Variants in UCK2 observed in about 807,000 individuals in gnomAD.
The protein encoded by UCK2 is cytidine monophosphokinase 2.
Under a neutral mutation model 30.8 loss-of-function variants are expected in UCK2, and 6 were observed. That is an observed-to-expected ratio of 0.19 (90% confidence interval 0.11 to 0.38). The LOEUF (loss-of-function observed/expected upper bound fraction) is 0.38, where lower values mean the gene tolerates loss of function less well. Among genes scored for constraint, UCK2 ranks in the 10% least tolerant of loss-of-function variants. UCK2 has a pLI of 1.00. For synonymous variants in UCK2, 125 were observed against 133.6 expected, an observed-to-expected ratio of 0.94 and a Z score of 0.45; for missense variants, 210 against 339.8, an observed-to-expected ratio of 0.62 and a Z score of 3.00.
At chr1:165,831,726 C>T (rs1019147450) in intron 1 of UCK2, among the ~76,000 whole-genome samples, 1 of 152,234 alleles carries the variant, frequency 6.6e-6, no homozygotes, top group Non-Finnish European at 1.5e-5. Flanking sequence ...GTACAAATCC[C>T]CTTGGCCCCT....
At chr1:165,905,448 C>T (rs1186345319) in intron 5 of UCK2, among the ~76,000 whole-genome samples, 1 of 151,910 alleles carries the variant, frequency 6.6e-6, no homozygotes, top group Non-Finnish European at 1.5e-5. Context: ...GATGCCGCTG[C>T]ACTCCAGCCT....
rs150856771 is a variant in UCK2 at position 165,878,243 on chromosome 1, G to A, written c.100-11961G>A. Among the ~76,000 whole-genome samples, 437 of 151,964 alleles carry A rather than the reference G, an allele frequency of 2.9e-3. 2 individuals are homozygous for A. Among genetic ancestry groups the A allele is most frequent in the Middle Eastern group, 6.9e-3 (2 of 290 alleles). On this transcript the variant is annotated intron_variant, in intron 1 of 6. Transcript: ENST00000367879. ...TACTGTAGTTGAAATCATACATTAT[G>A]TGACCTTTTCAGATTAGCTTCTTTC... is the stretch of plus-strand genomic sequence containing the variant.
In UCK2 at chr1:165,907,947, A is replaced by T. The variant is rs756204889; in HGVS notation, c.*124A>T. The T allele has an allele frequency of 7.4e-7, 1 of 1,350,878 alleles. No individual in the cohort carries two copies. The highest frequency in any genetic ancestry group is 9.8e-7 in the Non-Finnish European group (1 of 1,016,614). 83.7% of individuals were successfully genotyped at this position (1,350,878 alleles called of 1,614,324 possible). On this transcript the variant is annotated 3_prime_UTR_variant, in exon 7 of 7. Transcript: ENST00000367879. ...ATTTAAGAAAACACCATGGAGATGA[A>T]ATGCCTTTGATTTTTTTTTTCTTTT...
chr1:165,895,701 C>A, intron 3 of UCK2: 1 of 959,718 alleles, frequency 1.0e-6, no homozygotes, highest in Non-Finnish European at 1.2e-6. Flanking sequence ...CCCCTTCTGT[C>A]CTTTCCTCCC....
intron 4 of UCK2, among the ~76,000 whole-genome samples, chr1:165,901,490 G>A (rs1647460243): frequency 6.6e-6 from 1 of 152,120 alleles, no homozygotes; most frequent in Admixed American, 6.5e-5. Flanking sequence ...TAGACAAATG[G>A]CTTTCAGAAG....
intron 1 of UCK2, among the ~76,000 whole-genome samples, chr1:165,853,963 C>A (rs974508650): frequency 1.3e-5 from 2 of 152,182 alleles, no homozygotes; most frequent in Admixed American, 1.3e-4. Context: ...AAATTTCTTT[C>A]TTAACAGTTA....
At chr1:165,854,598 AAAAT>A (rs10571444) in intron 1 of UCK2, among the ~76,000 whole-genome samples, 67,773 of 143,424 alleles carry the variant, frequency 0.47, 16,006 homozygotes, top group Middle Eastern at 0.51. Flanking sequence ...TCCTTTTTTA[AAAAT>A]AAATAAATAA....
In UCK2 at chr1:165,911,217, C is replaced by T. The variant is rs1647847102; in HGVS notation, c.*3394C>T. 6.6e-6 allele frequency: 1 copy of T among 152,286 alleles called. No homozygotes were observed. Among genetic ancestry groups the T allele is most frequent in the Non-Finnish European group, 1.5e-5 (1 of 68,110 alleles). The allele number at this position is 152,286 out of a possible 1,614,324, so 9.4% of individuals were successfully genotyped here. On this transcript the variant is annotated 3_prime_UTR_variant, in exon 7 of 7. Transcript: ENST00000367879. Reference sequence around the variant, plus strand: ...CAGGACTGCTTCTGGAAGGGACTGCCTGTACTTCTGTACCACCGTTGCCCT... The same window carrying T: ...CAGGACTGCTTCTGGAAGGGACTGCTTGTACTTCTGTACCACCGTTGCCCT...
chr1:165,888,713 C>T (rs1461270974), intron 1 of UCK2, among the ~76,000 whole-genome samples: 1 of 135,780 alleles, frequency 7.4e-6, no homozygotes, highest in African/African-American at 2.7e-5. Flanking sequence ...GAATTCCTGA[C>T]CTCAAGCAAT....
chr1:165,829,052 C>T (rs927405898), intron 1 of UCK2, among the ~76,000 whole-genome samples: 3 of 152,104 alleles, frequency 2.0e-5, no homozygotes, highest in Non-Finnish European at 4.4e-5. Flanking sequence ...CGAACCGACT[C>T]GTCAGTAGCC....
intron 5 of UCK2, 135 bp from the exon 6 acceptor site, chr1:165,905,786 T>C (rs549583977): frequency 3.9e-5 from 24 of 621,540 alleles, no homozygotes; most frequent in East Asian, 3.7e-4. Context: ...AACAATATTA[T>C]ATTTGAAGCC....
intron 1 of UCK2, among the ~76,000 whole-genome samples, chr1:165,850,514 T>C (rs2101857598): frequency 6.6e-6 from 1 of 151,870 alleles, no homozygotes; most frequent in East Asian, 1.9e-4. Flanking sequence ...ATCACAGCTG[T>C]CTGCAGCCTT....
intron 1 of UCK2, among the ~76,000 whole-genome samples, chr1:165,848,468 C>CA (rs1338842399): frequency 6.6e-6 from 1 of 152,084 alleles, no homozygotes; most frequent in African/African-American, 2.4e-5. Context: ...CCCATCTCTA[C>CA]AAAAAATACA....
intron 1 of UCK2, among the ~76,000 whole-genome samples, chr1:165,877,195 A>G (rs1484345051): frequency 6.6e-6 from 1 of 152,202 alleles, no homozygotes; most frequent in African/African-American, 2.4e-5. Flanking sequence ...AAGAATTTTG[A>G]AAAGTGAGAA....
At chr1:165,851,829 G>C (rs1444608431) in intron 1 of UCK2, among the ~76,000 whole-genome samples, 1 of 152,166 alleles carries the variant, frequency 6.6e-6, no homozygotes, top group Non-Finnish European at 1.5e-5. Flanking sequence ...ACTTACGAGT[G>C]AGAATATGAG....
chr1:165,856,105 T>C (rs906869423), intron 1 of UCK2, among the ~76,000 whole-genome samples: 4 of 152,244 alleles, frequency 2.6e-5, no homozygotes, highest in Admixed American at 2.6e-4. Flanking sequence ...GAAGGTTTTA[T>C]CTTTTCTATA....
At chr1:165,880,576 T>G (rs1163303342) in intron 1 of UCK2, among the ~76,000 whole-genome samples, 1 of 23,344 alleles carries the variant, frequency 4.3e-5, no homozygotes, top group Non-Finnish European at 1.2e-4. Flanking sequence ...GGTGTGTGTG[T>G]GTGTGTGTGT....
chr1:165,881,525 G>A (rs971682099), intron 1 of UCK2, among the ~76,000 whole-genome samples: 4 of 152,132 alleles, frequency 2.6e-5, no homozygotes, highest in Non-Finnish European at 4.4e-5. Context: ...AGGCTCAACT[G>A]TTTTTCAGAC....
At chr1:165,892,892 T>G (rs1479402249) in intron 3 of UCK2, 1 of 152,488 alleles carries the variant, frequency 6.6e-6, no homozygotes, top group Non-Finnish European at 1.5e-5. Context: ...TGGATCAGCT[T>G]GGTTGGGGCA....
Sources: gnomAD v4.1 joint callset for allele counts (sites outside exome capture counted in the v4.1 genomes callset) on GRCh38, gnomAD v4.1.1 for gene constraint, MANE v1.5 for transcripts, NCBI Gene and HGNC (gene_info 2026-07-23, HGNC 2026-07-21) for gene names.